Variants in ZNF33A observed in about 807,000 individuals in gnomAD.
ZNF33A encodes the protein brain my041 protein.
ZNF33A carries 9 observed loss-of-function variants against 15.9 expected under a neutral mutation model. The ratio of observed to expected loss-of-function variants is 0.57; its 90% CI spans 0.34 to 0.99. The LOEUF (loss-of-function observed/expected upper bound fraction) is 0.99. Among genes scored for constraint, ZNF33A ranks in the 50% least tolerant of loss-of-function variants. The pLI is 0.02. For missense variants in ZNF33A, 843 were observed against 941.6 expected, an observed-to-expected ratio of 0.90 and a Z score of 1.37; for synonymous variants, 294 against 324.2, an observed-to-expected ratio of 0.91 and a Z score of 1.00.
downstream of ZNF33A, chr10:38,065,003 G>A (rs2066696234): frequency 6.6e-6 from 1 of 151,804 alleles, no homozygotes; most frequent in Non-Finnish European, 1.5e-5. Flanking sequence ...AATAGATAGT[G>A]ACTGTCATAA....
rs1178022238 is a variant in ZNF33A at position 38,056,449 on chromosome 10, C to T, written c.2325C>T (p.Asn775=). The part of the protein sequence containing the change: ...IVHQRRHIGE[N]LMNEMDIRNF... ...ATCAGAGAAGACATATAGGAGAAAA[C>T]CTTATGAATGAAATGGATATTAGAA... Residue 775 remains asparagine, a synonymous_variant, in exon 5 of 5, where the codon AAC becomes AAT. Transcript: ENST00000432900. The T allele has an allele frequency of 3.1e-6, 5 of 1,613,788 alleles. No homozygotes were observed. The highest frequency in any genetic ancestry group is 4.2e-6 in the Non-Finnish European group (5 of 1,179,898).
chr10:38,064,546 T>C (rs983001615), downstream of ZNF33A: 3 of 156,686 alleles, frequency 1.9e-5, no homozygotes, highest in South Asian at 2.0e-4. Context: ...TTGAGCTCAA[T>C]ACCAAGAATC....
intron 4 of ZNF33A, among the ~76,000 whole-genome samples, chr10:38,048,664 A>T (rs556809791): frequency 6.6e-6 from 1 of 152,344 alleles, no homozygotes; most frequent in South Asian, 2.1e-4. Flanking sequence ...TTTCAGAGCC[A>T]GGAATACCAG....
At chr10:38,032,136 A>C (rs1441818834) in intron 4 of ZNF33A, among the ~76,000 whole-genome samples, 5 of 152,074 alleles carry the variant, frequency 3.3e-5, no homozygotes, top group Non-Finnish European at 7.4e-5. Flanking sequence ...AAAAAATAAA[A>C]CAAGGGTTGG....
At position 38,012,180 on chromosome 10, in the gene ZNF33A, C is replaced by G. The variant is rs1344555439; in HGVS notation, c.-44-118C>G. 1.1e-5 allele frequency: 10 copies of G among 943,094 alleles called. No individual in the cohort carries two copies. The East Asian group carries it at 1.5e-4, about 14-fold the overall frequency. 58.4% of individuals were successfully genotyped at this position (943,094 alleles called of 1,614,324 possible). A position where few individuals can be genotyped will look rare whatever the true frequency, so the allele number is the denominator to read the frequency against. ...TCCAAAGTGTCAGAGGACATTGATA[C>G]TCTCCCAGAGGAAGCATTTTACCTA... On this transcript the variant is annotated intron_variant, in intron 1 of 4. Coordinates refer to ENST00000432900, the MANE Select transcript of ZNF33A (RefSeq NM_006954.2).
At chr10:38,065,360 G>A (rs2066700312), downstream of ZNF33A, among the ~76,000 whole-genome samples, 2 of 152,118 alleles carry the variant, frequency 1.3e-5, no homozygotes. Flanking sequence ...ATGAGCCACC[G>A]TGCTCGGCCA....
At chr10:38,023,059 C>T (rs1251108904) in intron 4 of ZNF33A, among the ~76,000 whole-genome samples, 6 of 152,138 alleles carry the variant, frequency 3.9e-5, no homozygotes, top group Non-Finnish European at 7.4e-5. Context: ...GATTCTCCTG[C>T]GTCAGCCTCC....
At chr10:38,038,807 T>C (rs1289133760) in intron 4 of ZNF33A, among the ~76,000 whole-genome samples, 1 of 152,220 alleles carries the variant, frequency 6.6e-6, no homozygotes, top group Non-Finnish European at 1.5e-5. Context: ...CATTGGATTG[T>C]GTTAAATGCT....
chr10:38,046,354 G>A (rs558444383), intron 4 of ZNF33A, among the ~76,000 whole-genome samples: 148 of 152,190 alleles, frequency 9.7e-4, no homozygotes, highest in Non-Finnish European at 1.8e-3. Context: ...GAAAAGGACT[G>A]ATCCTGCCAG....
rs2066410639 is a variant in ZNF33A at position 38,055,219 on chromosome 10, T to C, written c.1095T>C (p.Ala365=). The change falls in exon 5 of 5, where the codon GCT becomes GCC. Residue 365 remains alanine (A), a synonymous_variant. Coordinates refer to ENST00000432900, the MANE Select transcript of ZNF33A (RefSeq NM_006954.2). ...TTCAATGTAATGAATGTGAAAAAGC[T>C]TTCTGGGATAAGTCAAACCTCACTA... ...KPFQCNECEK[A]FWDKSNLTKH... 1 of 1,613,984 alleles carries C rather than the reference T, an allele frequency of 6.2e-7. No individual in the cohort carries two copies. The highest frequency in any genetic ancestry group is 1.3e-5 in the African/African-American group (1 of 74,914).
chr10:38,045,461 T>C lies in ZNF33A; in HGVS notation c.251-8914T>C, dbSNP rs191171837. Among the ~76,000 whole-genome samples the C allele has an allele frequency of 2.6e-4, 39 of 152,326 alleles. 1 individual carries two copies. The East Asian group carries it at 7.1e-3, about 28-fold the overall frequency. ...ACTGTCCTGGACCATATGTTGCTCTTAGTTTGCTCTTGTTAAATTTGGGTT... is the reference window on the plus strand; with the variant it reads ...ACTGTCCTGGACCATATGTTGCTCTCAGTTTGCTCTTGTTAAATTTGGGTT... On this transcript the variant is annotated intron_variant, in intron 4 of 4. Transcript: ENST00000432900.
At position 38,057,794 on chromosome 10, in the gene ZNF33A, A is replaced by G. The variant is rs1227914416; in HGVS notation, c.*1234A>G. ...TAAGTGGTAGTCCAAATTTTCTTTA[A>G]GCAGCTGCTCTCCAAGACAGGGCCC... On this transcript the variant is annotated 3_prime_UTR_variant, in exon 5 of 5. Coordinates refer to ENST00000432900, the MANE Select transcript of ZNF33A (RefSeq NM_006954.2). The G allele has an allele frequency of 6.3e-5, 62 of 985,364 alleles. 1 individual carries two copies. The highest frequency in any genetic ancestry group is 7.3e-5 in the Non-Finnish European group (61 of 829,992). The allele number at this position is 985,364 out of a possible 1,614,324, so 61.0% of individuals were successfully genotyped here. A position where few individuals can be genotyped will look rare whatever the true frequency, so the allele number is the denominator to read the frequency against.
chr10:38,065,713 C>CTT (rs35846280), downstream of ZNF33A, among the ~76,000 whole-genome samples: 558 of 142,334 alleles, frequency 3.9e-3, 7 homozygotes, highest in African/African-American at 0.013. Context: ...ATGGGACACA[C>CTT]TTTTTTTTTT....
intron 4 of ZNF33A, among the ~76,000 whole-genome samples, chr10:38,045,897 C>T (rs915281431): frequency 2.0e-5 from 3 of 152,146 alleles, no homozygotes; most frequent in Admixed American, 6.5e-5. Context: ...GAGTCCTGCT[C>T]CATTATTCAG....
intron 4 of ZNF33A, among the ~76,000 whole-genome samples, chr10:38,037,683 A>G (rs1237142492): frequency 6.6e-6 from 1 of 152,218 alleles, no homozygotes; most frequent in African/African-American, 2.4e-5. Flanking sequence ...TTAACTGAAC[A>G]TAATATATAG....
intron 1 of ZNF33A, 57 bp downstream of exon 1, chr10:38,010,840 CG>C: frequency 6.3e-7 from 1 of 1,581,296 alleles, no homozygotes. Context: ...ACTCCTGGGG[CG>C]GGCGGCAGGG....
intron 4 of ZNF33A, among the ~76,000 whole-genome samples, chr10:38,023,470 A>G (rs1452334075): frequency 6.6e-6 from 1 of 152,230 alleles, no homozygotes; most frequent in African/African-American, 2.4e-5. Context: ...ACATTCAGAA[A>G]TCGATCAATG....
intron 2 of ZNF33A, chr10:38,016,110 T>A: frequency 1.1e-6 from 1 of 909,862 alleles, no homozygotes; most frequent in Non-Finnish European, 1.4e-6. Flanking sequence ...GTCTCTGAAT[T>A]AAAGGATTAG....
chr10:38,064,093 T>C (rs1564892873), downstream of ZNF33A: 1 of 1,595,522 alleles, frequency 6.3e-7, no homozygotes, highest in South Asian at 1.1e-5. Context: ...CCCAGGCCCC[T>C]GAGATGCTCA....
Sources: allele counts gnomAD v4.1 joint callset (sites outside exome capture counted in the v4.1 genomes callset), GRCh38; gene constraint gnomAD v4.1.1; transcripts MANE v1.5; gene names NCBI Gene and HGNC (gene_info 2026-07-23, HGNC 2026-07-21).